Variants in CCSER1 observed in about 807,000 individuals in gnomAD.
CCSER1 encodes the protein serine-rich coiled-coil domain-containing protein 1.
Under a neutral mutation model 82.0 loss-of-function variants are expected in CCSER1, and 41 were observed. The observed-to-expected ratio is 0.50, with a 90% CI of 0.39 to 0.65. The LOEUF is 0.65. Ranked by LOEUF, CCSER1 falls within the 30% of genes least tolerant of loss-of-function variation. CCSER1 has a pLI of 0.00. For synonymous variants in CCSER1, 414 were observed against 383.9 expected, an observed-to-expected ratio of 1.08 and a Z score of -0.92; for missense variants, 1,119 against 1,064.2, an observed-to-expected ratio of 1.05 and a Z score of -0.72.
intron 4 of CCSER1, among the ~76,000 whole-genome samples, chr4:90,431,853 C>T (rs1758314826): frequency 6.6e-6 from 1 of 152,078 alleles, no homozygotes; most frequent in Non-Finnish European, 1.5e-5. Flanking sequence ...CTCAAATTTG[C>T]ATTTGTCATC....
chr4:91,232,764 C>T (rs1174256965), intron 10 of CCSER1, among the ~76,000 whole-genome samples: 1 of 151,386 alleles, frequency 6.6e-6, no homozygotes, highest in Non-Finnish European at 1.5e-5. Context: ...GTGTGTATTC[C>T]AATATTTGGA....
chr4:91,186,052 G>T (rs576211221), intron 10 of CCSER1, among the ~76,000 whole-genome samples: 1 of 152,144 alleles, frequency 6.6e-6, no homozygotes, highest in South Asian at 2.1e-4. Flanking sequence ...TCACCCTCTC[G>T]TCTAGCTTGC....
intron 4 of CCSER1, among the ~76,000 whole-genome samples, chr4:90,425,051 G>A (rs114106198): frequency 0.018 from 2,693 of 152,180 alleles, 34 homozygotes; most frequent in African/African-American, 0.038. Context: ...GATCCAGTTG[G>A]TCTTTTACGG....
At chr4:90,431,900 G>T (rs543260541) in intron 4 of CCSER1, among the ~76,000 whole-genome samples, 11 of 152,134 alleles carry the variant, frequency 7.2e-5, no homozygotes, top group African/African-American at 2.2e-4. Context: ...GAATACAGTT[G>T]TTCTCCCATT....
chr4:90,401,076 A>G (rs931734634), intron 4 of CCSER1, among the ~76,000 whole-genome samples: 2 of 152,306 alleles, frequency 1.3e-5, no homozygotes, highest in East Asian at 1.9e-4. Context: ...AATAGATAAT[A>G]TCATATTATC....
intron 8 of CCSER1, among the ~76,000 whole-genome samples, chr4:90,892,260 ATTTTACATTTCTCAT>A (rs1723071410): frequency 2.1e-4 from 32 of 151,804 alleles, no homozygotes; most frequent in Admixed American, 2.1e-3. Context: ...TAGACCTTTA[ATTTTACATTTCTCAT>A]CCTGCTTTTA....
At chr4:91,379,761 G>A (rs1750726577) in intron 10 of CCSER1, among the ~76,000 whole-genome samples, 1 of 152,130 alleles carries the variant, frequency 6.6e-6, no homozygotes, top group South Asian at 2.1e-4. Context: ...GTTCTGCTCT[G>A]ATCTTAGTTA....
At chr4:90,183,870 T>G in intron 1 of CCSER1, among the ~76,000 whole-genome samples, 1 of 152,298 alleles carries the variant, frequency 6.6e-6, no homozygotes, top group Non-Finnish European at 1.5e-5. Flanking sequence ...TTGAGAAGTT[T>G]CATTTAGATT....
At chr4:91,407,030 C>A (rs1292659508) in intron 10 of CCSER1, among the ~76,000 whole-genome samples, 1 of 152,172 alleles carries the variant, frequency 6.6e-6, no homozygotes, top group Non-Finnish European at 1.5e-5. Context: ...CTTAAAACTT[C>A]AATGAATTAT....
chr4:91,164,532 C>T (rs1012948041), intron 10 of CCSER1, among the ~76,000 whole-genome samples: 3 of 152,160 alleles, frequency 2.0e-5, no homozygotes, highest in African/African-American at 7.2e-5. Flanking sequence ...TGTTTTTCAA[C>T]TTGGTTCCAT....
chr4:91,264,600 T>G (rs2149171012), intron 10 of CCSER1, among the ~76,000 whole-genome samples: 1 of 152,168 alleles, frequency 6.6e-6, no homozygotes, highest in South Asian at 2.1e-4. Flanking sequence ...AGACCTATAT[T>G]TTATAAAGCA....
intron 5 of CCSER1, among the ~76,000 whole-genome samples, chr4:90,485,045 T>C (rs1385553824): frequency 6.6e-6 from 1 of 152,228 alleles, no homozygotes; most frequent in Admixed American, 6.5e-5. Context: ...TCCCAGCCAC[T>C]TTGTTTACCT....
intron 10 of CCSER1, among the ~76,000 whole-genome samples, chr4:91,117,686 A>G (rs963603976): frequency 7.2e-5 from 11 of 152,100 alleles, no homozygotes; most frequent in African/African-American, 2.7e-4. Context: ...CCAAAAGCCA[A>G]TGCCATAGGC....
chr4:91,168,017 G>T (rs1457260912), intron 10 of CCSER1, among the ~76,000 whole-genome samples: 1 of 150,226 alleles, frequency 6.7e-6, no homozygotes, highest in African/African-American at 2.5e-5. Context: ...GAGCGCCTCT[G>T]CCCGGCCGCC....
chr4:91,176,526 G>T (rs999971776), intron 10 of CCSER1, among the ~76,000 whole-genome samples: 6 of 151,922 alleles, frequency 3.9e-5, no homozygotes. Flanking sequence ...ATTTGAAGAG[G>T]TCCTTCACAT....
rs1763238156 is a variant in CCSER1, at chr4:90,846,381, CT to C, written c.2094+30539del. Among the ~76,000 whole-genome samples the C allele has an allele frequency of 2.6e-5, 4 of 152,136 alleles. No homozygotes were observed. In the South Asian group the frequency reaches 8.3e-4, roughly 31 times the overall value. On this transcript the variant is annotated intron_variant, in intron 8 of 10. Coordinates refer to ENST00000509176, the MANE Select transcript of CCSER1 (RefSeq NM_001145065.2). ...GCAGTTATTGGAATAAAATTATTTT[CT>C]TTATAGAGATCTATTTAATATTGTT...
At chr4:90,285,156 T>G (rs1387782386) in intron 1 of CCSER1, among the ~76,000 whole-genome samples, 1 of 152,018 alleles carries the variant, frequency 6.6e-6, no homozygotes, top group Non-Finnish European at 1.5e-5. Flanking sequence ...AATATAAATT[T>G]TAATTTTTTT....
At chr4:90,601,409 C>T (rs1405972409) in intron 5 of CCSER1, among the ~76,000 whole-genome samples, 1 of 151,924 alleles carries the variant, frequency 6.6e-6, no homozygotes, top group African/African-American at 2.4e-5. Flanking sequence ...GAAAAAAAGG[C>T]AAGTACATTT....
chr4:91,389,462 T>C (rs1436678951), intron 10 of CCSER1, among the ~76,000 whole-genome samples: 1 of 152,050 alleles, frequency 6.6e-6, no homozygotes, highest in African/African-American at 2.4e-5. Flanking sequence ...ATATCAATCA[T>C]TGTCTCTGAT....
Sources: gnomAD v4.1 joint callset for allele counts (sites outside exome capture counted in the v4.1 genomes callset) on GRCh38, gnomAD v4.1.1 for gene constraint, MANE v1.5 for transcripts, NCBI Gene and HGNC (gene_info 2026-07-23, HGNC 2026-07-21) for gene names.